The following H4C12 variants were observed in gnomAD, a reference collection of about 807,000 sequenced individuals.
H4C12 encodes histone H4.
A neutral mutation model predicts 4.2 loss-of-function variants in H4C12; 3 were observed. The ratio of observed to expected loss-of-function variants is 0.72; its 90% CI spans 0.33 to 1.86. The LOEUF is 1.86. Among genes scored for constraint, H4C12 ranks in the 40% most tolerant of loss-of-function variants. The pLI, the probability that H4C12 is intolerant of heterozygous loss-of-function variation, is 0.08. For synonymous variants in H4C12, 71 were observed against 65.0 expected (o/e 1.09, Z -0.44); for missense variants, 81 against 154.6 (o/e 0.52, Z 2.52).
chr6:27,831,553 C>G lies in H4C12; in HGVS notation c.-26G>C, dbSNP rs568237870. The G allele has an allele frequency of 6.3e-7, 1 of 1,583,936 alleles. No individual in the cohort carries two copies. The highest frequency in any genetic ancestry group is 8.6e-7 in the Non-Finnish European group (1 of 1,162,818). On this transcript the variant is annotated 5_prime_UTR_variant, in exon 1 of 1. Transcript: ENST00000611927. ...GACGAGCAAGAGGAGTCTCACCCAACGCTTTGTGAGGACTCTGGCCTGAGG... is the reference window on the plus strand; with the variant it reads ...GACGAGCAAGAGGAGTCTCACCCAAGGCTTTGTGAGGACTCTGGCCTGAGG...
Position 27,831,324 on chromosome 6 carries a change from C to G in H4C12, c.204G>C (p.Arg68=). 4 of 1,597,062 alleles carry G rather than the reference C, an allele frequency of 2.5e-6. No homozygotes were observed. Among genetic ancestry groups the G allele is most frequent in the African/African-American group, 1.3e-5 (1 of 74,552 alleles). ...VLKVFLENVI[R]DAVTYTEHAK... ...CGTGCTCTGTATAGGTCACGGCGTC[C>G]CGGATCACGTTCTCCAGGAACACCT... Residue 68 remains arginine (R), a synonymous_variant, in exon 1 of 1, where the codon CGG becomes CGC. Transcript: ENST00000611927.
chr6:27,831,413 C>T lies in H4C12; in HGVS notation c.115G>A (p.Ala39Thr). Residue 39 changes from alanine to threonine, a missense_variant, in exon 1 of 1, where the codon GCT (alanine) becomes ACT (threonine). Transcript: ENST00000611927. ...ATGCGCTTCACGCCGCCGCGGCGAG[C>T]AAGGCGCCGGATGGCCGGCTTGGTG... ...GITKPAIRRLARRGGVKRISG... is the reference protein window; with the variant it reads ...GITKPAIRRLTRRGGVKRISG... 1.9e-6 allele frequency: 3 copies of T among 1,588,186 alleles called. No individual in the cohort carries two copies. The highest frequency in any genetic ancestry group is 2.6e-6 in the Non-Finnish European group (3 of 1,164,592).
At position 27,831,354 on chromosome 6, in the gene H4C12, C is replaced by T. The variant is rs776562066; in HGVS notation, c.174G>A (p.Val58=). The T allele has an allele frequency of 6.9e-6, 11 of 1,599,356 alleles. No homozygotes were observed. In the South Asian group the frequency reaches 7.7e-5, roughly 11 times the overall value. Reference sequence around the variant, plus strand: ...TCACGTTCTCCAGGAACACCTTCAGCACCCCGCGAGTCTCCTCGTAGATGA... The same window carrying T: ...TCACGTTCTCCAGGAACACCTTCAGTACCCCGCGAGTCTCCTCGTAGATGA... ...SGLIYEETRG[V]LKVFLENVIR... Residue 58 remains valine, a synonymous_variant, in exon 1 of 1, where the codon GTG becomes GTA. Transcript: ENST00000611927.
rs760410073 is a variant in H4C12, at chr6:27,831,299, C to G, written c.229G>C (p.Ala77Pro). Residue 77 changes from alanine to proline, a missense_variant, in exon 1 of 1, where the codon GCC (alanine) becomes CCC (proline). Transcript: ENST00000611927. ...IRDAVTYTEHAKRKTVTAMDV... is the reference protein window; with the variant it reads ...IRDAVTYTEHPKRKTVTAMDV... ...ATGGCGGTGACCGTCTTGCGCTTGGCGTGCTCTGTATAGGTCACGGCGTCC... is the reference window on the plus strand; with the variant it reads ...ATGGCGGTGACCGTCTTGCGCTTGGGGTGCTCTGTATAGGTCACGGCGTCC... The G allele has an allele frequency of 7.6e-6, 12 of 1,581,174 alleles. No individual in the cohort carries two copies. The highest frequency in any genetic ancestry group is 1.4e-5 in the African/African-American group (1 of 73,764).
rs781390548 is a variant in H4C12 at position 27,831,340 on chromosome 6, AG to A, written c.187del (p.Leu63TrpfsTer4). The A allele has an allele frequency of 6.9e-6, 11 of 1,599,196 alleles. No homozygotes were observed. The Admixed American group carries it at 1.4e-4, about 20-fold the overall frequency. ...CACGGCGTCCCGGATCACGTTCTCC[AG>A]GAACACCTTCAGCACCCCGCGAGTC... ...EETRGVLKVF[L>X]ENVIRDAVTY... On this transcript the variant is annotated frameshift_variant, in exon 1 of 1. Transcript: ENST00000611927. LOFTEE classifies it high-confidence loss of function.
At position 27,831,362 on chromosome 6, in the gene H4C12, G is replaced by A. The variant is rs775727819; in HGVS notation, c.166C>T (p.Arg56Cys). The change falls in exon 1 of 1, where the codon CGC becomes TGC. Residue 56 changes from arginine (R) to cysteine (C), a missense_variant. By Grantham distance (180) the Arg-to-Cys change is radical (BLOSUM62 -3). Coordinates refer to ENST00000611927, the MANE Select transcript of H4C12 (RefSeq NM_003541.3). ...RISGLIYEET[R>C]GVLKVFLENV... ...TCCAGGAACACCTTCAGCACCCCGC[G>A]AGTCTCCTCGTAGATGAGGCCGGAG... The A allele has an allele frequency of 1.1e-5, 18 of 1,598,604 alleles. No individual in the cohort carries two copies. Among genetic ancestry groups the A allele is most frequent in the African/African-American group, 1.3e-5 (1 of 74,444 alleles).
chr6:27,831,409 CGA>C lies in H4C12; in HGVS notation c.117_118del (p.Arg40ProfsTer?), dbSNP rs1369528299. On this transcript the variant is annotated frameshift_variant, in exon 1 of 1. Transcript: ENST00000611927. LOFTEE classifies it high-confidence loss of function. The stretch of plus-strand genomic sequence containing the variant: ...GGAGATGCGCTTCACGCCGCCGCGG[CGA>C]GCAAGGCGCCGGATGGCCGGCTTGG... The C allele has an allele frequency of 6.3e-7, 1 of 1,589,174 alleles. No individual in the cohort carries two copies. The highest frequency in any genetic ancestry group is 1.3e-5 in the African/African-American group (1 of 74,198).
At position 27,831,481 on chromosome 6, in the gene H4C12, G is replaced by T. The variant is rs768893967; in HGVS notation, c.47C>A (p.Ala16Asp). The change falls in exon 1 of 1, where the codon GCT (alanine) becomes GAT (aspartate). Residue 16 changes from alanine to aspartate, a missense_variant. Ala to Asp is a moderately radical substitution (Grantham distance 126, BLOSUM62 -2). Coordinates refer to ENST00000611927, the MANE Select transcript of H4C12 (RefSeq NM_003541.3). Reference protein sequence around the residue: ...KGGKGLGKGGAKRHRKVLRDN... With the variant: ...KGGKGLGKGGDKRHRKVLRDN... ...GCGCAGTACTTTACGGTGGCGCTTAGCGCCGCCTTTGCCAAGACCCTTCCC... is the reference window on the plus strand; with the variant it reads ...GCGCAGTACTTTACGGTGGCGCTTATCGCCGCCTTTGCCAAGACCCTTCCC... 6.5e-7 allele frequency: 1 copy of T among 1,526,970 alleles called. No individual in the cohort carries two copies. Among genetic ancestry groups the T allele is most frequent in the African/African-American group, 1.4e-5 (1 of 71,804 alleles). 94.6% of individuals were successfully genotyped at this position (1,526,970 alleles called of 1,614,324 possible). A position where few individuals can be genotyped will look rare whatever the true frequency, so the allele number is the denominator to read the frequency against.
rs375764291 is a variant in H4C12, at chr6:27,831,205, G to C, written c.*11C>G. On this transcript the variant is annotated 3_prime_UTR_variant, in exon 1 of 1. Coordinates refer to ENST00000611927, the MANE Select transcript of H4C12 (RefSeq NM_003541.3). ...CCCTAAAAAGGGCCTTTTGTTGATA[G>C]AAAGGGACGCTCAACCACCGAAACC... 1 of 1,604,532 alleles carries C rather than the reference G, an allele frequency of 6.2e-7. No homozygotes were observed. The highest frequency in any genetic ancestry group is 1.7e-5 in the Admixed American group (1 of 57,834).
Position 27,831,507 on chromosome 6 carries a change from G to T in H4C12, c.21C>A (p.Gly7=). The T allele has an allele frequency of 6.4e-7, 1 of 1,555,654 alleles. No homozygotes were observed. The highest frequency in any genetic ancestry group is 8.7e-7 in the Non-Finnish European group (1 of 1,151,070). ...CGCCGCCTTTGCCAAGACCCTTCCCGCCTTTGCCGCGGCCAGACATGACGA... is the reference window on the plus strand; with the variant it reads ...CGCCGCCTTTGCCAAGACCCTTCCCTCCTTTGCCGCGGCCAGACATGACGA... The part of the protein sequence containing the change: MSGRGK[G]GKGLGKGGAK... The change falls in exon 1 of 1, where the codon GGC becomes GGA. Residue 7 remains glycine (G), a synonymous_variant. Coordinates refer to ENST00000611927, the MANE Select transcript of H4C12 (RefSeq NM_003541.3).
In H4C12 at chr6:27,831,179, G is replaced by A. The variant is rs373681736; in HGVS notation, c.*37C>T. On this transcript the variant is annotated 3_prime_UTR_variant, in exon 1 of 1. Coordinates refer to ENST00000611927, the MANE Select transcript of H4C12 (RefSeq NM_003541.3). ...CGGCTCCTCAGCTGAGAAAGTGGGGGCCCTAAAAAGGGCCTTTTGTTGATA... is the reference window on the plus strand; with the variant it reads ...CGGCTCCTCAGCTGAGAAAGTGGGGACCCTAAAAAGGGCCTTTTGTTGATA... The A allele has an allele frequency of 3.8e-6, 6 of 1,590,376 alleles. No homozygotes were observed. The highest frequency in any genetic ancestry group is 1.1e-5 in the South Asian group (1 of 88,610).
rs756280276 is a variant in H4C12 at position 27,831,206 on chromosome 6, A to G, written c.*10T>C. On this transcript the variant is annotated 3_prime_UTR_variant, in exon 1 of 1. Transcript: ENST00000611927. ...CCTAAAAAGGGCCTTTTGTTGATAGAAAGGGACGCTCAACCACCGAAACCG... is the reference window on the plus strand; with the variant it reads ...CCTAAAAAGGGCCTTTTGTTGATAGGAAGGGACGCTCAACCACCGAAACCG... 1.7e-5 allele frequency: 27 copies of G among 1,604,206 alleles called. No individual in the cohort carries two copies. Among genetic ancestry groups the G allele is most frequent in the Non-Finnish European group, 2.3e-5 (27 of 1,175,500 alleles).
At position 27,831,179 on chromosome 6, in the gene H4C12, G is replaced by T; in HGVS notation, c.*37C>A. On this transcript the variant is annotated 3_prime_UTR_variant, in exon 1 of 1. Transcript: ENST00000611927. ...CGGCTCCTCAGCTGAGAAAGTGGGG[G>T]CCCTAAAAAGGGCCTTTTGTTGATA... is the stretch of plus-strand genomic sequence containing the variant. The T allele has an allele frequency of 4.4e-6, 7 of 1,590,376 alleles. No individual in the cohort carries two copies. The highest frequency in any genetic ancestry group is 1.1e-5 in the South Asian group (1 of 88,610).
chr6:27,831,174 TG>T lies in H4C12; in HGVS notation c.*41del. On this transcript the variant is annotated 3_prime_UTR_variant, in exon 1 of 1. Coordinates refer to ENST00000611927, the MANE Select transcript of H4C12 (RefSeq NM_003541.3). ...CATCACGGCTCCTCAGCTGAGAAAG[TG>T]GGGGCCCTAAAAAGGGCCTTTTGTT... is the stretch of plus-strand genomic sequence containing the variant. 1.3e-6 allele frequency: 2 copies of T among 1,586,240 alleles called. No homozygotes were observed. The highest frequency in any genetic ancestry group is 2.2e-5 in the East Asian group (1 of 44,568).
rs375764291 is a variant in H4C12, at chr6:27,831,205, G to A, written c.*11C>T. 5.7e-5 allele frequency: 91 copies of A among 1,604,530 alleles called. No individual in the cohort carries two copies. The East Asian group carries it at 6.3e-4, about 11-fold the overall frequency. On this transcript the variant is annotated 3_prime_UTR_variant, in exon 1 of 1. Transcript: ENST00000611927. ...CCCTAAAAAGGGCCTTTTGTTGATA[G>A]AAAGGGACGCTCAACCACCGAAACC...
chr6:27,831,264 G>C lies in H4C12; in HGVS notation c.264C>G (p.Val88=), dbSNP rs767407406. Residue 88 remains valine, a synonymous_variant, in exon 1 of 1, where the codon GTC becomes GTG. Coordinates refer to ENST00000611927, the MANE Select transcript of H4C12 (RefSeq NM_003541.3). ...TGCGGCCCTGGCGCTTGAGCGCGTA[G>C]ACCACATCCATGGCGGTGACCGTCT... ...KRKTVTAMDV[V]YALKRQGRTL... The C allele has an allele frequency of 3.9e-6, 6 of 1,550,050 alleles. No homozygotes were observed. The highest frequency in any genetic ancestry group is 2.1e-5 in the Admixed American group (1 of 47,820).
rs751320232 is a variant in H4C12, at chr6:27,831,176, G to C, written c.*40C>G. On this transcript the variant is annotated 3_prime_UTR_variant, in exon 1 of 1. Coordinates refer to ENST00000611927, the MANE Select transcript of H4C12 (RefSeq NM_003541.3). ...TCACGGCTCCTCAGCTGAGAAAGTG[G>C]GGGCCCTAAAAAGGGCCTTTTGTTG... is the stretch of plus-strand genomic sequence containing the variant. The C allele has an allele frequency of 6.3e-7, 1 of 1,588,900 alleles. No individual in the cohort carries two copies. The highest frequency in any genetic ancestry group is 1.8e-5 in the Admixed American group (1 of 54,822).
rs758992622 is a variant in H4C12 at position 27,831,312 on chromosome 6, G to T, written c.216C>A (p.Thr72=). ...FLENVIRDAV[T]YTEHAKRKTV... The stretch of plus-strand genomic sequence containing the variant: ...TCTTGCGCTTGGCGTGCTCTGTATA[G>T]GTCACGGCGTCCCGGATCACGTTCT... Residue 72 remains threonine, a synonymous_variant, in exon 1 of 1, where the codon ACC becomes ACA. Transcript: ENST00000611927. 1.3e-6 allele frequency: 2 copies of T among 1,593,722 alleles called. No homozygotes were observed. The highest frequency in any genetic ancestry group is 8.6e-7 in the Non-Finnish European group (1 of 1,167,908).
chr6:27,831,518 G>T lies in H4C12; in HGVS notation c.10C>A (p.Arg4Ser). Residue 4 changes from arginine to serine, a missense_variant, in exon 1 of 1, where the codon CGC (arginine) becomes AGC (serine). Around this residue, in one of 2 missense-constraint regions of H4C12, gnomAD observed 25 missense variants for 76.3 expected, o/e 0.33. Transcript: ENST00000611927. ...CCAAGACCCTTCCCGCCTTTGCCGC[G>T]GCCAGACATGACGAGCAAGAGGAGT... The part of the protein sequence containing the change: MSG[R>S]GKGGKGLGKG... 1 of 1,565,982 alleles carries T rather than the reference G, an allele frequency of 6.4e-7. No individual in the cohort carries two copies. Among genetic ancestry groups the T allele is most frequent in the Non-Finnish European group, 8.7e-7 (1 of 1,155,118 alleles).
Sources: gnomAD v4.1 joint callset for allele counts on GRCh38, gnomAD v4.1.1 for gene constraint, gnomAD v4.1.1 regional missense constraint, MANE v1.5 for transcripts, NCBI Gene and HGNC (gene_info 2026-07-23, HGNC 2026-07-21) for gene names.